Variants in REEP5 observed in about 807,000 individuals in gnomAD.
REEP5 encodes the protein receptor expression-enhancing protein 5.
A neutral mutation model predicts 22.4 loss-of-function variants in REEP5; 24 were observed. The ratio of observed to expected loss-of-function variants is 1.07; its 90% CI spans 0.78 to 1.51. The LOEUF (loss-of-function observed/expected upper bound fraction) is 1.51, where lower values mean the gene tolerates loss of function less well. Among genes scored for constraint, REEP5 ranks in the 40% most tolerant of loss-of-function variants. REEP5 has a pLI of 0.00. For synonymous variants in REEP5, 103 were observed against 88.6 expected (o/e 1.16, Z -0.92); for missense variants, 252 against 233.0 (o/e 1.08, Z -0.53).
intron 2 of REEP5, among the ~76,000 whole-genome samples, chr5:112,917,730 G>A (rs886889433): frequency 6.6e-6 from 1 of 152,272 alleles, no homozygotes; most frequent in East Asian, 1.9e-4. Context: ...AATCCCATTA[G>A]AAGCAGGGCT....
intron 4 of REEP5, among the ~76,000 whole-genome samples, chr5:112,879,327 G>C (rs59474758): frequency 0.04 from 8 of 200 alleles, no homozygotes; most frequent in Non-Finnish European, 0.035. Context: ...TATGTGTTTG[G>C]GGGGGGGGGC....
chr5:112,913,412 A>C (rs1295492040), intron 2 of REEP5, among the ~76,000 whole-genome samples: 3 of 151,488 alleles, frequency 2.0e-5, no homozygotes, highest in African/African-American at 4.8e-5. Flanking sequence ...AAAAAAAGAA[A>C]AGAAAAGAAA....
At chr5:112,891,004 A>C (rs1768426069) in intron 3 of REEP5, among the ~76,000 whole-genome samples, 1 of 150,858 alleles carries the variant, frequency 6.6e-6, no homozygotes, top group Non-Finnish European at 1.5e-5. Context: ...CATTACTAAC[A>C]GGAGAACATG....
At chr5:112,891,370 GCCA>G (rs1768439929) in intron 3 of REEP5, among the ~76,000 whole-genome samples, 1 of 152,030 alleles carries the variant, frequency 6.6e-6, no homozygotes. Context: ...ACCGCACCTG[GCCA>G]TAAGTAAATA....
chr5:112,919,923 C>T (rs1769314544), intron 2 of REEP5, among the ~76,000 whole-genome samples: 1 of 152,128 alleles, frequency 6.6e-6, no homozygotes, highest in East Asian at 1.9e-4. Flanking sequence ...CTTTTTCTTT[C>T]TTTTGGACAA....
rs529104650 is a variant in REEP5, at chr5:112,883,016, A to G, written c.520+3999T>C. 5.9e-5 allele frequency among the ~76,000 whole-genome samples: 9 copies of G among 152,290 alleles called. No homozygotes were observed. In the South Asian group the frequency reaches 1.9e-3, roughly 32 times the overall value. ...CCCTCTACTGTATACTGGATCCTTC[A>G]CTGGTCAAGGACAGAGCTCCAACAA... On this transcript the variant is annotated intron_variant, in intron 4 of 4. Transcript: ENST00000379638.
At position 112,901,261 on chromosome 5, in the gene REEP5, G is replaced by C. The variant is rs564010167; in HGVS notation, c.351+1119C>G. On this transcript the variant is annotated intron_variant, in intron 3 of 4. Transcript: ENST00000379638. ...GCGGTAACCATACTAAAAGAAATGA[G>C]AAAATATTAGCAATATGAAACAAGG... 5.9e-5 allele frequency among the ~76,000 whole-genome samples: 9 copies of C among 152,210 alleles called. No homozygotes were observed. The South Asian group carries it at 1.5e-3, about 25-fold the overall frequency.
intron 2 of REEP5, among the ~76,000 whole-genome samples, chr5:112,904,245 C>T (rs1454968684): frequency 1.3e-5 from 2 of 152,042 alleles, no homozygotes; most frequent in African/African-American, 4.8e-5. Flanking sequence ...TAGAAGCTGG[C>T]GAATGTAATA....
intron 2 of REEP5, 124 bp downstream of exon 2, chr5:112,921,039 C>G: frequency 2.2e-6 from 2 of 907,678 alleles, no homozygotes; most frequent in Non-Finnish European, 3.5e-6. Flanking sequence ...TTATGTCCAA[C>G]CTCATCCCTC....
At chr5:112,918,945 A>G (rs1221673708) in intron 2 of REEP5, among the ~76,000 whole-genome samples, 1 of 152,160 alleles carries the variant, frequency 6.6e-6, no homozygotes, top group East Asian at 1.9e-4. Context: ...TACTTTGCCT[A>G]TTTCTTGCCT....
At chr5:112,906,087 A>G (rs1007343939) in intron 2 of REEP5, among the ~76,000 whole-genome samples, 1 of 152,238 alleles carries the variant, frequency 6.6e-6, no homozygotes, top group East Asian at 1.9e-4. Flanking sequence ...TCATGAAACC[A>G]TAAGATATGC....
intron 2 of REEP5, among the ~76,000 whole-genome samples, 171 bp from the exon 3 acceptor site, chr5:112,902,689 C>G (rs1321490834): frequency 5.3e-5 from 8 of 152,042 alleles, no homozygotes. Flanking sequence ...ATGTGGATAT[C>G]GGGACAAGCC....
At chr5:112,917,791 C>G (rs891817217) in intron 2 of REEP5, among the ~76,000 whole-genome samples, 1 of 152,198 alleles carries the variant, frequency 6.6e-6, no homozygotes, top group Non-Finnish European at 1.5e-5. Flanking sequence ...ACATGAAATG[C>G]TCAGAATAGG....
At chr5:112,915,298 C>T (rs1262710417) in intron 2 of REEP5, among the ~76,000 whole-genome samples, 1 of 152,138 alleles carries the variant, frequency 6.6e-6, no homozygotes, top group Non-Finnish European at 1.5e-5. Context: ...CCCAGAAACT[C>T]TGATCATGAA....
intron 2 of REEP5, among the ~76,000 whole-genome samples, chr5:112,908,218 A>T (rs1769003949): frequency 6.7e-6 from 1 of 148,416 alleles, no homozygotes; most frequent in African/African-American, 2.5e-5. Flanking sequence ...CTCCTGCCTC[A>T]GCCTCCTGAG....
intron 2 of REEP5, among the ~76,000 whole-genome samples, chr5:112,920,236 G>A (rs1165041409): frequency 6.6e-6 from 1 of 152,196 alleles, no homozygotes; most frequent in Non-Finnish European, 1.5e-5. Flanking sequence ...TATAGTCATA[G>A]ACTAAATTCT....
chr5:112,892,074 G>A, intron 3 of REEP5: 1 of 1,596,918 alleles, frequency 6.3e-7, no homozygotes, highest in Non-Finnish European at 8.6e-7. Flanking sequence ...AGAAGATGCT[G>A]GATCAGGCTG....
intron 3 of REEP5, chr5:112,892,286 T>A (rs756517401): frequency 5.0e-6 from 8 of 1,614,088 alleles, no homozygotes; most frequent in Non-Finnish European, 6.8e-6. Flanking sequence ...ACGTTTGGAA[T>A]GGAGCAGTGC....
intron 2 of REEP5, among the ~76,000 whole-genome samples, chr5:112,907,259 T>C (rs931641023): frequency 1.1e-4 from 16 of 152,276 alleles, no homozygotes; most frequent in Middle Eastern, 3.4e-3. Flanking sequence ...CTGTCTCTAG[T>C]ACCGCCTCAT....
Sources: allele counts gnomAD v4.1 joint callset (sites outside exome capture counted in the v4.1 genomes callset), GRCh38; gene constraint gnomAD v4.1.1; transcripts MANE v1.5; gene names NCBI Gene and HGNC (gene_info 2026-07-23, HGNC 2026-07-21).